Variants in AKAP19 observed in about 807,000 individuals in gnomAD.
The protein encoded by AKAP19 is small A-kinase anchoring protein.
the AKAP19 span, among the ~76,000 whole-genome samples, chr2:189,967,834 TAAAAA>T: frequency 7.1e-6 from 1 of 140,760 alleles, no homozygotes; most frequent in Non-Finnish European, 1.6e-5. Context: ...CTAAAAAAAA[TAAAAA>T]TAAAAATTTG....
chr2:190,088,397 C>T, the AKAP19 span, among the ~76,000 whole-genome samples: 1 of 152,110 alleles, frequency 6.6e-6, no homozygotes, highest in Admixed American at 6.6e-5. Flanking sequence ...AGTATAAGGT[C>T]CTTTACCATC....
the AKAP19 span, among the ~76,000 whole-genome samples, chr2:189,909,039 A>G: frequency 6.6e-6 from 1 of 151,972 alleles, no homozygotes; most frequent in Non-Finnish European, 1.5e-5. Flanking sequence ...ACATGCTCCA[A>G]TGTTGGGTGC....
At chr2:190,097,975 G>GTA in the AKAP19 span, among the ~76,000 whole-genome samples, 2,221 of 151,866 alleles carry the variant, frequency 0.015, 33 homozygotes, top group Non-Finnish European at 0.02. Context: ...TCATCAGGTT[G>GTA]TAGTTCTCTT....
At chr2:190,034,424 TAAAAA>T in the AKAP19 span, among the ~76,000 whole-genome samples, 1 of 141,210 alleles carries the variant, frequency 7.1e-6, no homozygotes, top group African/African-American at 2.6e-5. Flanking sequence ...CTAATAGACT[TAAAAA>T]AATCAACTGT....
the AKAP19 span, among the ~76,000 whole-genome samples, chr2:190,113,839 C>T: frequency 6.6e-6 from 1 of 152,096 alleles, no homozygotes; most frequent in Non-Finnish European, 1.5e-5. Flanking sequence ...AGTCCCCTAC[C>T]CCTGTTCCTT....
At chr2:190,072,003 T>C in the AKAP19 span, among the ~76,000 whole-genome samples, 2 of 151,792 alleles carry the variant, frequency 1.3e-5, no homozygotes, top group Non-Finnish European at 2.9e-5. Flanking sequence ...AACGATTTAA[T>C]AAAAATACAT....
At chr2:190,105,740 G>A in the AKAP19 span, among the ~76,000 whole-genome samples, 1 of 152,182 alleles carries the variant, frequency 6.6e-6, no homozygotes, top group Admixed American at 6.5e-5. Flanking sequence ...GGGCTTCCTG[G>A]TAATGCTCCC....
chr2:189,888,167 A>T, the AKAP19 span, among the ~76,000 whole-genome samples: 13 of 151,698 alleles, frequency 8.6e-5, no homozygotes, highest in Non-Finnish European at 1.8e-4. Flanking sequence ...TTTTAGCTGC[A>T]TCTGGCTAGC....
At chr2:190,129,191 A>T in the AKAP19 span, among the ~76,000 whole-genome samples, 1 of 152,156 alleles carries the variant, frequency 6.6e-6, no homozygotes, top group Non-Finnish European at 1.5e-5. Context: ...CTGATGCCTC[A>T]TAATTTAATT....
At chr2:190,127,750 A>T in the AKAP19 span, among the ~76,000 whole-genome samples, 1 of 152,060 alleles carries the variant, frequency 6.6e-6, no homozygotes, top group Non-Finnish European at 1.5e-5. Context: ...TTTGTTTCTT[A>T]TCTTTTTTAT....
the AKAP19 span, chr2:190,062,254 T>C: frequency 7.5e-5 from 121 of 1,613,008 alleles, no homozygotes; most frequent in Admixed American, 2.0e-3. Context: ...ATTGTTTCCG[T>C]TGTAGCGTGA....
the AKAP19 span, among the ~76,000 whole-genome samples, chr2:190,085,757 T>A: frequency 1.7e-4 from 26 of 152,310 alleles, no homozygotes; most frequent in African/African-American, 5.1e-4. Flanking sequence ...TACCATACAG[T>A]GACAAAACAT....
chr2:190,152,981 C>T, the AKAP19 span, among the ~76,000 whole-genome samples: 1 of 151,920 alleles, frequency 6.6e-6, no homozygotes, highest in Non-Finnish European at 1.5e-5. Context: ...CTGCAAGCTC[C>T]GCCTCCCGGG....
chr2:190,067,201 C>T, the AKAP19 span, among the ~76,000 whole-genome samples: 1 of 152,132 alleles, frequency 6.6e-6, no homozygotes, highest in Non-Finnish European at 1.5e-5. Flanking sequence ...ATGATGTCTT[C>T]ATACATTATG....
chr2:190,037,777 G>A, the AKAP19 span, among the ~76,000 whole-genome samples: 1 of 152,204 alleles, frequency 6.6e-6, no homozygotes. Flanking sequence ...AATAGTTGCA[G>A]ATTAGGATTG....
the AKAP19 span, among the ~76,000 whole-genome samples, chr2:190,049,051 T>A: frequency 6.6e-6 from 1 of 152,068 alleles, no homozygotes; most frequent in Non-Finnish European, 1.5e-5. Flanking sequence ...AAATAAAGAC[T>A]AAAGTATGTG....
At chr2:190,074,702 G>C in the AKAP19 span, among the ~76,000 whole-genome samples, 2 of 151,722 alleles carry the variant, frequency 1.3e-5, no homozygotes, top group Non-Finnish European at 2.9e-5. Flanking sequence ...AATCATATAG[G>C]AAAACTACAG....
At chr2:189,885,793 C>A in the AKAP19 span, among the ~76,000 whole-genome samples, 1 of 151,770 alleles carries the variant, frequency 6.6e-6, no homozygotes, top group Non-Finnish European at 1.5e-5. Context: ...TTAAAATGTT[C>A]TAGCATTAAT....
chr2:189,933,438 T>C, the AKAP19 span, among the ~76,000 whole-genome samples: 2 of 152,230 alleles, frequency 1.3e-5, 1 homozygote, highest in South Asian at 4.1e-4. Context: ...TTTCAATTCT[T>C]TTAGATGATT....
Sources: allele counts gnomAD v4.1 joint callset (sites outside exome capture counted in the v4.1 genomes callset), GRCh38; gene constraint gnomAD v4.1.1; transcripts MANE v1.5; gene names NCBI Gene and HGNC (gene_info 2026-07-23, HGNC 2026-07-21).